Variants in INPP4A observed in about 807,000 individuals in gnomAD.
The protein encoded by INPP4A is inositol polyphosphate-4-phosphatase, type I, 107kD.
INPP4A carries 33 observed loss-of-function variants against 119.8 expected under a neutral mutation model. The observed-to-expected ratio is 0.28, with a 90% CI of 0.21 to 0.37. The LOEUF (loss-of-function observed/expected upper bound fraction) is 0.37, where lower values mean the gene tolerates loss of function less well. Among genes scored for constraint, INPP4A ranks in the 10% least tolerant of loss-of-function variants. INPP4A has a pLI of 1.00. For synonymous variants in INPP4A, 496 were observed against 500.7 expected (o/e 0.99, Z 0.12); for missense variants, 956 against 1,289.9 (o/e 0.74, Z 3.97).
intron 1 of INPP4A, among the ~76,000 whole-genome samples, chr2:98,447,118 C>G (rs1322241394): frequency 2.0e-5 from 3 of 152,146 alleles, no homozygotes; most frequent in African/African-American, 4.8e-5. Flanking sequence ...TTCAGTGAGG[C>G]AGAGTGGAGG....
Position 98,556,019 on chromosome 2 carries a change from T to C in INPP4A, c.1822+211T>C, listed in dbSNP as rs191595839. On this transcript the variant is annotated intron_variant, in intron 16 of 24. Coordinates refer to ENST00000409851, the MANE Select transcript of INPP4A (RefSeq NM_001134225.2). ...CCATGTAACTGGAGCCCATGTGTGATTCTGCATCTCTGCCAGTCAGAATCT... is the reference window on the plus strand; with the variant it reads ...CCATGTAACTGGAGCCCATGTGTGACTCTGCATCTCTGCCAGTCAGAATCT... 745 of 548,200 alleles carry C rather than the reference T, an allele frequency of 1.4e-3. 1 individual carries two copies. Among genetic ancestry groups the C allele is most frequent in the Non-Finnish European group, 2.0e-3 (622 of 313,472 alleles). 34.0% of individuals were successfully genotyped at this position (548,200 alleles called of 1,614,324 possible).
At chr2:98,477,872 A>G (rs1353078365) in intron 1 of INPP4A, among the ~76,000 whole-genome samples, 1 of 152,232 alleles carries the variant, frequency 6.6e-6, no homozygotes, top group Non-Finnish European at 1.5e-5. Flanking sequence ...GCCACATGGC[A>G]TGGATTGGAA....
intron 1 of INPP4A, among the ~76,000 whole-genome samples, chr2:98,491,357 G>T (rs1268687118): frequency 6.6e-6 from 1 of 152,224 alleles, no homozygotes; most frequent in Non-Finnish European, 1.5e-5. Flanking sequence ...AAAGTCAGCT[G>T]AGTGCCCTGA....
intron 23 of INPP4A, among the ~76,000 whole-genome samples, chr2:98,576,404 A>G (rs186772411): frequency 1.5e-3 from 229 of 152,328 alleles, no homozygotes; most frequent in African/African-American, 5.3e-3. Context: ...CTACCGGGAA[A>G]GTATGGCGGG....
At chr2:98,461,317 T>TGAAGGGCG (rs1483370017) in intron 1 of INPP4A, among the ~76,000 whole-genome samples, 1 of 152,106 alleles carries the variant, frequency 6.6e-6, no homozygotes, top group Admixed American at 6.5e-5. Flanking sequence ...AAGAAGGAAG[T>TGAAGGGCG]GAAGGGCGGA....
Position 98,555,599 on chromosome 2 carries a change from A to G in INPP4A, c.1613A>G (p.Gln538Arg), listed in dbSNP as rs1219643266. 1 of 1,613,652 alleles carries G rather than the reference A, an allele frequency of 6.2e-7. No individual in the cohort carries two copies. The stretch of plus-strand genomic sequence containing the variant: ...GACAAGAGCCTAGAGTGCATCATTC[A>G]GCGTGTGGACAAGCTGCTGCAGAAG... ...NVDKSLECIIQRVDKLLQKER... is the reference protein window; with the variant it reads ...NVDKSLECIIRRVDKLLQKER... The change falls in exon 16 of 25, where the codon CAG becomes CGG. Residue 538 changes from glutamine (Q) to arginine (R), a missense_variant. Around this residue, in one of 2 missense-constraint regions of INPP4A, gnomAD observed 652 missense variants for 797.9 expected, o/e 0.82. Coordinates refer to ENST00000409851, the MANE Select transcript of INPP4A (RefSeq NM_001134225.2).
chr2:98,460,968 T>C (rs1019217245), intron 1 of INPP4A, among the ~76,000 whole-genome samples: 6 of 152,142 alleles, frequency 3.9e-5, no homozygotes, highest in Non-Finnish European at 7.4e-5. Context: ...AGAAATGGTA[T>C]TAATTGTCTC....
intron 1 of INPP4A, among the ~76,000 whole-genome samples, chr2:98,452,541 G>A (rs762784394): frequency 6.6e-6 from 1 of 152,214 alleles, no homozygotes; most frequent in Non-Finnish European, 1.5e-5. Flanking sequence ...TTAGGTCCTA[G>A]AATAGCAAGA....
At chr2:98,547,896 AGCGTGAGGGAAG>A (rs2106124885) in intron 13 of INPP4A, among the ~76,000 whole-genome samples, 1 of 152,242 alleles carries the variant, frequency 6.6e-6, no homozygotes, top group Non-Finnish European at 1.5e-5. Flanking sequence ...AGCATGGAAC[AGCGTGAGGGAAG>A]GTGAGCAAAG....
At chr2:98,456,754 C>G (rs1292155239) in intron 1 of INPP4A, among the ~76,000 whole-genome samples, 2 of 152,194 alleles carry the variant, frequency 1.3e-5, no homozygotes, top group Non-Finnish European at 2.9e-5. Flanking sequence ...GTTCAACCAT[C>G]GATTGCCCAA....
chr2:98,499,785 C>G (rs182423127), intron 1 of INPP4A, among the ~76,000 whole-genome samples: 1 of 152,174 alleles, frequency 6.6e-6, no homozygotes, highest in African/African-American at 2.4e-5. Flanking sequence ...ATTGGGCTAT[C>G]GTAACTTTCA....
rs548603446 is a variant in INPP4A, at chr2:98,529,465, A to C, written c.152-3912A>C. Among the ~76,000 whole-genome samples the C allele has an allele frequency of 2.7e-4, 41 of 152,266 alleles. 2 individuals carry two copies. The South Asian group carries it at 8.5e-3, about 32-fold the overall frequency. ...AAAACCACAGAATTGGGCTGGGCGCAATAGCTCATGCCTGTAATCCCAGCA... is the reference window on the plus strand; with the variant it reads ...AAAACCACAGAATTGGGCTGGGCGCCATAGCTCATGCCTGTAATCCCAGCA... On this transcript the variant is annotated intron_variant, in intron 4 of 24. Transcript: ENST00000409851.
At chr2:98,528,287 G>T (rs886336236) in intron 4 of INPP4A, among the ~76,000 whole-genome samples, 1 of 151,834 alleles carries the variant, frequency 6.6e-6, no homozygotes, top group Non-Finnish European at 1.5e-5. Context: ...CTCAACTGTA[G>T]GTTTGAGAAG....
At chr2:98,460,426 C>A (rs962739744) in intron 1 of INPP4A, among the ~76,000 whole-genome samples, 1 of 152,108 alleles carries the variant, frequency 6.6e-6, no homozygotes, top group Non-Finnish European at 1.5e-5. Flanking sequence ...ACCCGGGGGG[C>A]TCGAGCCCCT....
chr2:98,533,525 C>T (rs1689648132), intron 5 of INPP4A, 30 bp downstream of exon 5: 7 of 1,303,284 alleles, frequency 5.4e-6, no homozygotes, highest in South Asian at 1.2e-5. Flanking sequence ...CTCTGAGGGG[C>T]TGTGGGACAT....
intron 1 of INPP4A, among the ~76,000 whole-genome samples, chr2:98,515,533 A>G (rs1247181976): frequency 1.3e-5 from 2 of 152,212 alleles, no homozygotes; most frequent in Admixed American, 6.5e-5. Flanking sequence ...ACGATAGTTC[A>G]TATTTCATCT....
intron 1 of INPP4A, among the ~76,000 whole-genome samples, chr2:98,474,672 A>G (rs1574605995): frequency 6.6e-6 from 1 of 152,198 alleles, no homozygotes; most frequent in African/African-American, 2.4e-5. Flanking sequence ...GGGTGCCATC[A>G]CCCTGACATT....
At position 98,491,671 on chromosome 2, in the gene INPP4A, G is replaced by A. The variant is rs537427098; in HGVS notation, c.-165-27293G>A. ...ACCTACCTGAGTCATGTTCATTTTC[G>A]TCCCCATATCAGAGATGAGCAGACA... On this transcript the variant is annotated intron_variant, in intron 1 of 24. Transcript: ENST00000409851. Among the ~76,000 whole-genome samples the A allele has an allele frequency of 1.7e-3, 265 of 152,216 alleles. 1 individual carries two copies. Among genetic ancestry groups the A allele is most frequent in the Non-Finnish European group, 2.3e-3 (154 of 68,008 alleles).
chr2:98,448,353 CAAAA>C (rs571844955), intron 1 of INPP4A, among the ~76,000 whole-genome samples: 2,306 of 99,704 alleles, frequency 0.023, 38 homozygotes, highest in African/African-American at 0.057. Context: ...GAGACTGTCT[CAAAA>C]AAAAAAAAAA....
Sources: allele counts gnomAD v4.1 joint callset (sites outside exome capture counted in the v4.1 genomes callset), GRCh38; gene constraint gnomAD v4.1.1; regional missense constraint gnomAD v4.1.1; transcripts MANE v1.5; gene names NCBI Gene and HGNC (gene_info 2026-07-23, HGNC 2026-07-21).